ADAMTS3: variants seen among roughly 807,000 people sequenced by gnomAD.
ADAMTS3 encodes the protein ADAM metallopeptidase with thrombospondin type 1 motif 3, also known as A disintegrin and metalloproteinase with thrombospondin motifs 3.
A neutral mutation model predicts 129.0 loss-of-function variants in ADAMTS3; 73 were observed. The observed-to-expected ratio is 0.57, with a 90% CI of 0.47 to 0.69. The LOEUF (loss-of-function observed/expected upper bound fraction) is 0.69. Ranked by LOEUF, ADAMTS3 falls within the 30% of genes least tolerant of loss-of-function variation. ADAMTS3 has a pLI of 0.00. For missense variants in ADAMTS3, 1,457 were observed against 1,514.5 expected (o/e 0.96, Z 0.63); for synonymous variants, 477 against 510.8 (o/e 0.93, Z 0.89).
At chr4:72,440,111 G>T (rs1163414350) in intron 3 of ADAMTS3, among the ~76,000 whole-genome samples, 1 of 151,554 alleles carries the variant, frequency 6.6e-6, no homozygotes, top group Admixed American at 6.6e-5. Context: ...TTTGATAAAG[G>T]TTACTTGTTA....
chr4:72,527,281 C>T (rs1306201111), intron 3 of ADAMTS3, among the ~76,000 whole-genome samples: 10 of 152,142 alleles, frequency 6.6e-5, no homozygotes, highest in African/African-American at 2.4e-4. Flanking sequence ...CAGAAACCTT[C>T]CTTGACCCTT....
At position 72,290,899 on chromosome 4, in the gene ADAMTS3, T is replaced by C; in HGVS notation, c.2887A>G (p.Arg963Gly). ...DRPESRRPCN[R>G]VPCPAQWKTG... ...TTCCACTGTGCAGGGCAGGGCACTC[T>C]GTTACAGGGCCGGCGGCTCTCGGGA... The change falls in exon 20 of 22, where the codon AGA becomes GGA. Residue 963 changes from arginine to glycine, a missense_variant. Physicochemically the swap from Arg to Gly is moderately radical, Grantham distance 125. Transcript: ENST00000286657. The C allele has an allele frequency of 6.2e-7, 1 of 1,614,062 alleles. No homozygotes were observed. Among genetic ancestry groups the C allele is most frequent in the Non-Finnish European group, 8.5e-7 (1 of 1,179,962 alleles).
chr4:72,490,872 C>A (rs1719722663), intron 3 of ADAMTS3, among the ~76,000 whole-genome samples: 1 of 151,766 alleles, frequency 6.6e-6, no homozygotes, highest in African/African-American at 2.4e-5. Context: ...GTAACTACTT[C>A]CATGAAGCTT....
rs140072366 is a variant in ADAMTS3, at chr4:72,555,207, G to T, written c.98-6323C>A. 8.8e-4 allele frequency among the ~76,000 whole-genome samples: 133 copies of T among 151,820 alleles called. 2 individuals are homozygous for T. Among genetic ancestry groups the T allele is most frequent in the African/African-American group, 3.1e-3 (127 of 41,170 alleles). ...TAGAAAACAGAAAATCAGAGATTAA[G>T]TAACTTAACCCAAATAAAAACTTAG... On this transcript the variant is annotated intron_variant, in intron 2 of 21. Transcript: ENST00000286657.
intron 4 of ADAMTS3, among the ~76,000 whole-genome samples, chr4:72,372,828 G>T (rs1434392162): frequency 1.3e-5 from 2 of 151,968 alleles, no homozygotes; most frequent in Non-Finnish European, 2.9e-5. Flanking sequence ...TAAATGGAAG[G>T]ACACATAGTT....
chr4:72,553,468 T>C (rs1359979442), intron 2 of ADAMTS3, among the ~76,000 whole-genome samples: 1 of 152,146 alleles, frequency 6.6e-6, no homozygotes, highest in Non-Finnish European at 1.5e-5. Context: ...GGGTCCCTAA[T>C]CCCTGCTCTT....
intron 16 of ADAMTS3, among the ~76,000 whole-genome samples, 185 bp downstream of exon 16, chr4:72,305,802 T>G (rs1719070973): frequency 6.6e-6 from 1 of 151,570 alleles, no homozygotes; most frequent in Non-Finnish European, 1.5e-5. Flanking sequence ...CATATACGCA[T>G]GCACATCATG....
chr4:72,458,666 A>G (rs188423263), intron 3 of ADAMTS3, among the ~76,000 whole-genome samples: 210 of 151,786 alleles, frequency 1.4e-3, no homozygotes, highest in Middle Eastern at 3.4e-3. Flanking sequence ...ACACAGTGAC[A>G]TAATTTTTCA....
chr4:72,541,388 G>A (rs943845578), intron 3 of ADAMTS3, among the ~76,000 whole-genome samples: 28 of 152,022 alleles, frequency 1.8e-4, no homozygotes, highest in African/African-American at 6.5e-4. Flanking sequence ...GCTCATAGGT[G>A]GAAGGGACTT....
At position 72,439,118 on chromosome 4, in the gene ADAMTS3, A is replaced by T. The variant is rs1424127270; in HGVS notation, c.505-24147T>A. Among the ~76,000 whole-genome samples the T allele has an allele frequency of 3.3e-5, 5 of 151,738 alleles. No individual in the cohort carries two copies. The East Asian group carries it at 9.8e-4, about 30-fold the overall frequency. The stretch of plus-strand genomic sequence containing the variant: ...TAAAGTCAAAATTAAGTTATATTTA[A>T]TTTTTGGTAGTTTGGGAACTGAGGA... On this transcript the variant is annotated intron_variant, in intron 3 of 21. Coordinates refer to ENST00000286657, the MANE Select transcript of ADAMTS3 (RefSeq NM_014243.3).
chr4:72,404,902 T>TTA (rs1722013385), intron 4 of ADAMTS3, among the ~76,000 whole-genome samples: 1 of 151,676 alleles, frequency 6.6e-6, no homozygotes, highest in Admixed American at 6.6e-5. Context: ...GTGAAGGACT[T>TTA]GAATAGACAA....
rs893116642 is a variant in ADAMTS3 at position 72,559,839 on chromosome 4, A to G, written c.97+7535T>C. Among the ~76,000 whole-genome samples, 7 of 151,904 alleles carry G rather than the reference A, an allele frequency of 4.6e-5. No homozygotes were observed. In the East Asian group the frequency reaches 1.2e-3, roughly 25 times the overall value. On this transcript the variant is annotated intron_variant, in intron 2 of 21. Transcript: ENST00000286657. Reference sequence around the variant, plus strand: ...ACATTATTCACAGAATTTTTAAAAAACTATTTTAAAATTCATATGGAACCA... The same window carrying G: ...ACATTATTCACAGAATTTTTAAAAAGCTATTTTAAAATTCATATGGAACCA...
intron 3 of ADAMTS3, among the ~76,000 whole-genome samples, chr4:72,525,762 G>T (rs1720789729): frequency 6.6e-6 from 1 of 152,140 alleles, no homozygotes; most frequent in South Asian, 2.1e-4. Context: ...GTAGCCCTCA[G>T]AAGCAAGTGT....
chr4:72,490,408 C>CA, intron 3 of ADAMTS3, among the ~76,000 whole-genome samples: 1 of 151,834 alleles, frequency 6.6e-6, no homozygotes, highest in South Asian at 2.1e-4. Context: ...GTGATCATAT[C>CA]AAAAAAATTA....
chr4:72,473,020 T>C (rs1489103550), intron 3 of ADAMTS3, among the ~76,000 whole-genome samples: 1 of 152,014 alleles, frequency 6.6e-6, no homozygotes, highest in Non-Finnish European at 1.5e-5. Context: ...TTACAAAATT[T>C]CTAAAAAGAA....
chr4:72,530,429 A>C (rs370652339), intron 3 of ADAMTS3, among the ~76,000 whole-genome samples: 25,972 of 81,904 alleles, frequency 0.32, 3,931 homozygotes, highest in Non-Finnish European at 0.32. Flanking sequence ...ATATTAAATT[A>C]ATATATGTTA....
At chr4:72,451,113 C>G (rs1051883154) in intron 3 of ADAMTS3, among the ~76,000 whole-genome samples, 1 of 151,714 alleles carries the variant, frequency 6.6e-6, no homozygotes, top group African/African-American at 2.4e-5. Context: ...GGATAGCATA[C>G]CCTTTCATGA....
In ADAMTS3 at chr4:72,344,141, G is replaced by A. The variant is rs537579105; in HGVS notation, c.662-4448C>T. Among the ~76,000 whole-genome samples, 4 of 152,172 alleles carry A rather than the reference G, an allele frequency of 2.6e-5. No homozygotes were observed. In the South Asian group the frequency reaches 6.2e-4, roughly 24 times the overall value. On this transcript the variant is annotated intron_variant, in intron 4 of 21. Coordinates refer to ENST00000286657, the MANE Select transcript of ADAMTS3 (RefSeq NM_014243.3). ...CAAAATAAATACAGTTATTTTTAGTGTTAAGTATAAGATTATCAGTATCAA... is the reference window on the plus strand; with the variant it reads ...CAAAATAAATACAGTTATTTTTAGTATTAAGTATAAGATTATCAGTATCAA...
At chr4:72,385,878 A>C (rs1721433293) in intron 4 of ADAMTS3, among the ~76,000 whole-genome samples, 1 of 152,168 alleles carries the variant, frequency 6.6e-6, no homozygotes, top group South Asian at 2.1e-4. Context: ...AATTAATTAT[A>C]AAATAAATAA....
Sources: allele counts gnomAD v4.1 joint callset (sites outside exome capture counted in the v4.1 genomes callset), GRCh38; gene constraint gnomAD v4.1.1; transcripts MANE v1.5; gene names NCBI Gene and HGNC (gene_info 2026-07-23, HGNC 2026-07-21).